Variants in ZNF428 observed in about 807,000 individuals in gnomAD.
The protein encoded by ZNF428 is enzyme-like protein PIT13.
In ZNF428, 5 loss-of-function variants were observed where a neutral mutation model predicts 15.6. The observed-to-expected ratio is 0.32, with a 90% CI of 0.17 to 0.67. The LOEUF is 0.67. ZNF428 is among the 30% of genes least tolerant of loss of function. The pLI, the probability that ZNF428 is intolerant of heterozygous loss-of-function variation, is 0.73. For synonymous variants in ZNF428, 97 were observed against 102.2 expected (o/e 0.95, Z 0.31); for missense variants, 237 against 256.0 (o/e 0.93, Z 0.51).
chr19:43,614,991 A>G (rs1973357680), intron 1 of ZNF428, among the ~76,000 whole-genome samples: 1 of 152,064 alleles, frequency 6.6e-6, no homozygotes, highest in Admixed American at 6.6e-5. Context: ...CCAAATATTC[A>G]ACAGTGGGGA....
intron 2 of ZNF428, among the ~76,000 whole-genome samples, chr19:43,610,484 G>C (rs370871769): frequency 1.3e-5 from 2 of 151,840 alleles, no homozygotes; most frequent in South Asian, 4.2e-4. Context: ...ATAGGTATGA[G>C]CCACCGCAGC....
At position 43,608,523 on chromosome 19, in the gene ZNF428, G is replaced by A. The variant is rs10424087; in HGVS notation, c.77-416C>T. Reference sequence around the variant, plus strand: ...GCATTACCTGTAGTACCAGCTTCTCGGGAGGCTGAGGCGGGAGGATCACTT... The same window carrying A: ...GCATTACCTGTAGTACCAGCTTCTCAGGAGGCTGAGGCGGGAGGATCACTT... On this transcript the variant is annotated intron_variant, in intron 2 of 2. Transcript: ENST00000300811. The A allele has an allele frequency of 8.6e-3, 1,370 of 158,968 alleles. 17 individuals carry two copies. Among genetic ancestry groups the A allele is most frequent in the African/African-American group, 0.031 (1,300 of 41,606 alleles). The allele number at this position is 158,968 out of a possible 1,614,324, so 9.8% of individuals were successfully genotyped here. A position where few individuals can be genotyped will look rare whatever the true frequency, so the allele number is the denominator to read the frequency against.
intron 2 of ZNF428, among the ~76,000 whole-genome samples, chr19:43,611,130 G>A (rs1443947673): frequency 1.3e-5 from 2 of 152,020 alleles, no homozygotes; most frequent in Non-Finnish European, 2.9e-5. Context: ...TCCTGTTACT[G>A]CCCTAGAAGC....
chr19:43,607,744 G>T lies in ZNF428; in HGVS notation c.440C>A (p.Ala147Asp), dbSNP rs142455708. The T allele has an allele frequency of 9.7e-4, 1,560 of 1,610,666 alleles. 4 individuals carry two copies. Among genetic ancestry groups the T allele is most frequent in the Non-Finnish European group, 1.1e-3 (1,276 of 1,178,680 alleles). ...CTCTTCCTCCTCCTCCTCCCGCCCAGCTGGTCGGCCCTCCCCAGCCCGAGG... is the reference window on the plus strand; with the variant it reads ...CTCTTCCTCCTCCTCCTCCCGCCCATCTGGTCGGCCCTCCCCAGCCCGAGG... ...EPPRAGEGRP[A>D]GREEEEEEEE... Residue 147 changes from alanine to aspartate, a missense_variant, in exon 3 of 3, where the codon GCT (alanine) becomes GAT (aspartate). Physicochemically the swap from Ala to Asp is moderately radical, Grantham distance 126. Transcript: ENST00000300811. This position sits in a 1 kb window ranked among gnomAD's most constrained non-coding sequence, Gnocchi z 5.1.
intron 1 of ZNF428, among the ~76,000 whole-genome samples, chr19:43,614,996 T>G (rs577913606): frequency 6.6e-6 from 1 of 151,972 alleles, no homozygotes; most frequent in African/African-American, 2.4e-5. Context: ...TATTCAACAG[T>G]GGGGACTGGT....
intron 2 of ZNF428, chr19:43,614,008 T>C (rs771502811): frequency 2.1e-5 from 32 of 1,551,490 alleles, no homozygotes; most frequent in Non-Finnish European, 2.6e-5. Flanking sequence ...AAGGAAATCA[T>C]AGCCAATCTA....
chr19:43,607,387 AC>A lies in ZNF428; in HGVS notation c.*229del. ...CCAGGGGGAATACACACACACACAC[AC>A]ACACACAAACACACACACGGGCGGG... On this transcript the variant is annotated 3_prime_UTR_variant, in exon 3 of 3. Coordinates refer to ENST00000300811, the MANE Select transcript of ZNF428 (RefSeq NM_182498.4). This position sits in a 1 kb window ranked among gnomAD's most constrained non-coding sequence, Gnocchi z 5.1. 1 of 526,446 alleles carries A rather than the reference AC, an allele frequency of 1.9e-6. No individual in the cohort carries two copies. Among genetic ancestry groups the A allele is most frequent in the African/African-American group, 2.1e-5 (1 of 48,086 alleles). 32.6% of individuals were successfully genotyped at this position (526,446 alleles called of 1,614,324 possible). A position where few individuals can be genotyped will look rare whatever the true frequency, so the allele number is the denominator to read the frequency against.
chr19:43,612,484 T>C lies in ZNF428; in HGVS notation c.76+1745A>G. ...AGCGGAGGGGCACACACAGCCGGGG[T>C]AGGACACCTGGCAGAAGGGGAAGCC... On this transcript the variant is annotated intron_variant, in intron 2 of 2. Coordinates refer to ENST00000300811, the MANE Select transcript of ZNF428 (RefSeq NM_182498.4). This position sits in a 1 kb window ranked among gnomAD's most constrained non-coding sequence, Gnocchi z 4.2. 1 of 1,550,598 alleles carries C rather than the reference T, an allele frequency of 6.4e-7. No homozygotes were observed. Among genetic ancestry groups the C allele is most frequent in the Non-Finnish European group, 8.7e-7 (1 of 1,146,794 alleles).
Position 43,607,979 on chromosome 19 carries a change from G to C in ZNF428, c.205C>G (p.Gln69Glu). ...CCACCACGGCCCCCGCCAAGGCGCTGCTTCACCTTGTAGCCAGGATCATAT... is the reference window on the plus strand; with the variant it reads ...CCACCACGGCCCCCGCCAAGGCGCTCCTTCACCTTGTAGCCAGGATCATAT... Reference protein sequence around the residue: ...PEYDPGYKVKQRLGGGRGGPS... With the variant: ...PEYDPGYKVKERLGGGRGGPS... The change falls in exon 3 of 3, where the codon CAG becomes GAG. Residue 69 changes from glutamine (Q) to glutamate (E), a missense_variant. Transcript: ENST00000300811. This position sits in a 1 kb window ranked among gnomAD's most constrained non-coding sequence, Gnocchi z 5.1. 3 of 1,609,518 alleles carry C rather than the reference G, an allele frequency of 1.9e-6. No individual in the cohort carries two copies. Among genetic ancestry groups the C allele is most frequent in the Non-Finnish European group, 2.5e-6 (3 of 1,178,198 alleles).
chr19:43,616,392 CTT>C (rs1973372073), intron 1 of ZNF428, among the ~76,000 whole-genome samples: 1 of 152,210 alleles, frequency 6.6e-6, no homozygotes, highest in African/African-American at 2.4e-5. Context: ...AAGAACTTAA[CTT>C]CTCTAGCCTG....
chr19:43,612,931 C>G lies in ZNF428; in HGVS notation c.76+1298G>C. ...TGTCCAGCAGGGTCAAGAGTTATAACCAGGCCAGCACCCGCAGCAGGCCGC... is the reference window on the plus strand; with the variant it reads ...TGTCCAGCAGGGTCAAGAGTTATAAGCAGGCCAGCACCCGCAGCAGGCCGC... On this transcript the variant is annotated intron_variant, in intron 2 of 2. Transcript: ENST00000300811. This position sits in a 1 kb window ranked among gnomAD's most constrained non-coding sequence, Gnocchi z 4.2. 1.3e-6 allele frequency: 2 copies of G among 1,551,666 alleles called. No homozygotes were observed. The highest frequency in any genetic ancestry group is 1.2e-5 in the South Asian group (1 of 84,054).
At chr19:43,608,241 C>A in intron 2 of ZNF428, 134 bp from the exon 3 acceptor site, 1 of 1,202,636 alleles carries the variant, frequency 8.3e-7, no homozygotes, top group Admixed American at 2.5e-5. Flanking sequence ...CCCTTCCCTT[C>A]CCCACAGATG....
rs1973251027 is a variant in ZNF428 at position 43,607,525 on chromosome 19, C to T, written c.*92G>A. The T allele has an allele frequency of 7.0e-7, 1 of 1,438,564 alleles. No individual in the cohort carries two copies. The highest frequency in any genetic ancestry group is 2.4e-5 in the East Asian group (1 of 42,290). 89.1% of individuals were successfully genotyped at this position (1,438,564 alleles called of 1,614,324 possible). On this transcript the variant is annotated 3_prime_UTR_variant, in exon 3 of 3. Coordinates refer to ENST00000300811, the MANE Select transcript of ZNF428 (RefSeq NM_182498.4). This position sits in a 1 kb window ranked among gnomAD's most constrained non-coding sequence, Gnocchi z 5.1. ...AAGACAACACAGACCGGCAGTACCC[C>T]ATCCCCCATGACCACTGTCACAACC... is the stretch of plus-strand genomic sequence containing the variant.
chr19:43,607,865 C>T lies in ZNF428; in HGVS notation c.319G>A (p.Gly107Arg), dbSNP rs1164139400. ...CAGCAGAGCCGGCAGGGTGGGGTTC[C>T]CGGTGGGGCCTCCCCAAGGGGTGAG... ...GRSPLGEAPP[G>R]TPPCRLCCPA... The change falls in exon 3 of 3, where the codon GGA (glycine) becomes AGA (arginine). Residue 107 changes from glycine to arginine, a missense_variant. Gly to Arg is a moderately radical substitution (Grantham distance 125). Coordinates refer to ENST00000300811, the MANE Select transcript of ZNF428 (RefSeq NM_182498.4). The surrounding 1 kb of genome is among the most constrained non-coding windows in gnomAD (Gnocchi z 5.1). 6.4e-7 allele frequency: 1 copy of T among 1,555,698 alleles called. No homozygotes were observed. Among genetic ancestry groups the T allele is most frequent in the South Asian group, 1.2e-5 (1 of 85,106 alleles).
chr19:43,612,905 A>T lies in ZNF428; in HGVS notation c.76+1324T>A. On this transcript the variant is annotated intron_variant, in intron 2 of 2. Transcript: ENST00000300811. The surrounding 1 kb of genome is among the most constrained non-coding windows in gnomAD (Gnocchi z 4.2). Reference sequence around the variant, plus strand: ...GGAAAAGAGTTACAGCCCCACTGAAATGTCCAGCAGGGTCAAGAGTTATAA... The same window carrying T: ...GGAAAAGAGTTACAGCCCCACTGAATTGTCCAGCAGGGTCAAGAGTTATAA... The T allele has an allele frequency of 6.4e-7, 1 of 1,551,718 alleles. No individual in the cohort carries two copies. Among genetic ancestry groups the T allele is most frequent in the South Asian group, 1.2e-5 (1 of 84,062 alleles).
At chr19:43,611,625 C>A (rs1489000364) in intron 2 of ZNF428, among the ~76,000 whole-genome samples, 1 of 152,164 alleles carries the variant, frequency 6.6e-6, no homozygotes, top group Admixed American at 6.5e-5. Flanking sequence ...CAGCCTGACC[C>A]TTTCTTTCTC....
chr19:43,619,477 G>A (rs896047248), intron 1 of ZNF428, 81 bp downstream of exon 1: 5 of 152,264 alleles, frequency 3.3e-5, no homozygotes, highest in Non-Finnish European at 7.3e-5. Context: ...CCGGTGACGG[G>A]AGTCGTCGCT....
In ZNF428 at chr19:43,607,393, ACAAAC is replaced by A; in HGVS notation, c.*219_*223del. 2 of 545,642 alleles carry A rather than the reference ACAAAC, an allele frequency of 3.7e-6. No homozygotes were observed. Among genetic ancestry groups the A allele is most frequent in the Non-Finnish European group, 6.2e-6 (2 of 324,116 alleles). The allele number at this position is 545,642 out of a possible 1,614,324, so 33.8% of individuals were successfully genotyped here. On this transcript the variant is annotated 3_prime_UTR_variant, in exon 3 of 3. Coordinates refer to ENST00000300811, the MANE Select transcript of ZNF428 (RefSeq NM_182498.4). The surrounding 1 kb of genome is among the most constrained non-coding windows in gnomAD (Gnocchi z 5.1). ...GGAATACACACACACACACACACAC[ACAAAC>A]ACACACACGGGCGGGAATACACACA...
chr19:43,608,330 G>T lies in ZNF428; in HGVS notation c.77-223C>A, dbSNP rs375406013. On this transcript the variant is annotated intron_variant, in intron 2 of 2. Coordinates refer to ENST00000300811, the MANE Select transcript of ZNF428 (RefSeq NM_182498.4). ...TGTCAAGCAAATGAATGTCTTCCAA[G>T]AACTGCATGGGACAGGACTGGGCAC... 5.9e-5 allele frequency among the ~76,000 whole-genome samples: 9 copies of T among 152,320 alleles called. No individual in the cohort carries two copies. In the East Asian group the frequency reaches 1.5e-3, roughly 26 times the overall value.
Sources: gnomAD v4.1 joint callset for allele counts (sites outside exome capture counted in the v4.1 genomes callset) on GRCh38, gnomAD v4.1.1 for gene constraint, Gnocchi (gnomAD v3.1) non-coding constraint, MANE v1.5 for transcripts, NCBI Gene and HGNC (gene_info 2026-07-23, HGNC 2026-07-21) for gene names.